Variants in PXT1 observed in about 807,000 individuals in gnomAD.
PXT1 encodes the protein peroxisomal testis enriched protein 1.
Under a neutral mutation model 11.0 loss-of-function variants are expected in PXT1, and 11 were observed. The ratio of observed to expected loss-of-function variants is 1.00; its 90% CI spans 0.63 to 1.66. The LOEUF (loss-of-function observed/expected upper bound fraction) is 1.66, where lower values mean the gene tolerates loss of function less well. Among genes scored for constraint, PXT1 ranks in the 40% most tolerant of loss-of-function variants. The pLI is 0.00. For synonymous variants in PXT1, 43 were observed against 51.4 expected (o/e 0.84, Z 0.70); for missense variants, 141 against 155.5 (o/e 0.91, Z 0.49).
intron 3 of PXT1, among the ~76,000 whole-genome samples, chr6:36,412,601 A>G (rs1489695164): frequency 6.6e-6 from 1 of 151,706 alleles, no homozygotes; most frequent in African/African-American, 2.4e-5. Context: ...CGGAGGTTGC[A>G]GTGAGCCAAG....
At chr6:36,394,552 G>C (rs1774113038) in intron 4 of PXT1, among the ~76,000 whole-genome samples, 1 of 152,096 alleles carries the variant, frequency 6.6e-6, no homozygotes, top group African/African-American at 2.4e-5. Context: ...CCTAGACCCG[G>C]TGACAACTCT....
intron 3 of PXT1, among the ~76,000 whole-genome samples, chr6:36,413,896 G>A (rs1447321191): frequency 6.6e-6 from 1 of 152,204 alleles, no homozygotes; most frequent in Non-Finnish European, 1.5e-5. Context: ...ATACTCAAGA[G>A]GCTGAGGCAG....
intron 4 of PXT1, among the ~76,000 whole-genome samples, chr6:36,394,415 C>T (rs1175058598): frequency 6.6e-6 from 1 of 152,132 alleles, no homozygotes; most frequent in Non-Finnish European, 1.5e-5. Context: ...GAGAAATTCC[C>T]TATGCATTAT....
intron 2 of PXT1, among the ~76,000 whole-genome samples, chr6:36,431,435 A>G (rs1774690993): frequency 6.6e-6 from 1 of 152,196 alleles, no homozygotes; most frequent in Admixed American, 6.5e-5. Flanking sequence ...ACAGTCTAGC[A>G]GAAGAAAGAG....
intron 3 of PXT1, among the ~76,000 whole-genome samples, chr6:36,420,521 T>C (rs980288158): frequency 1.3e-5 from 2 of 152,138 alleles, no homozygotes; most frequent in African/African-American, 4.8e-5. Flanking sequence ...GAAAGATACC[T>C]GAGAATCTAA....
chr6:36,395,201 GC>G, intron 4 of PXT1, among the ~76,000 whole-genome samples: 1 of 152,184 alleles, frequency 6.6e-6, no homozygotes, highest in East Asian at 1.9e-4. Flanking sequence ...GAACAAGAGA[GC>G]AAAAAATTTG....
At chr6:36,403,440 C>T (rs986573882) in intron 3 of PXT1, among the ~76,000 whole-genome samples, 1 of 152,182 alleles carries the variant, frequency 6.6e-6, no homozygotes, top group Non-Finnish European at 1.5e-5. Context: ...AGGAAAAAAA[C>T]TCCCACTTTT....
intron 4 of PXT1, among the ~76,000 whole-genome samples, chr6:36,393,663 G>C (rs534898797): frequency 1.5e-4 from 23 of 151,948 alleles, no homozygotes; most frequent in Non-Finnish European, 2.9e-4. Context: ...TGGGAGCAGA[G>C]GTTGCGGTGA....
Position 36,427,015 on chromosome 6 carries a change from C to CTTT in PXT1, c.-9-927_-9-925dup, listed in dbSNP as rs71768864. Among the ~76,000 whole-genome samples the CTTT allele has an allele frequency of 3.6e-3, 506 of 141,144 alleles. 2 individuals carry two copies. The highest frequency in any genetic ancestry group is 0.011 in the African/African-American group (400 of 37,976). The allele number at this position is 141,144 out of a possible 152,430, so 92.6% of individuals were successfully genotyped here. On this transcript the variant is annotated intron_variant, in intron 2 of 4. Transcript: ENST00000454782. ...AGAATTGCATTAGGACTTTTTTTTTCTTTTTTTTTTTTGAGACAGAGTCTT... is the reference window on the plus strand; with the variant it reads ...AGAATTGCATTAGGACTTTTTTTTTCTTTTTTTTTTTTTTTGAGACAGAGTCTT...
intron 2 of PXT1, among the ~76,000 whole-genome samples, chr6:36,431,336 T>C (rs182116702): frequency 3.3e-5 from 5 of 152,290 alleles, no homozygotes; most frequent in Admixed American, 3.3e-4. Context: ...ATGAAAAATA[T>C]TGATCTTTTA....
chr6:36,417,271 C>T (rs541639399), intron 3 of PXT1, among the ~76,000 whole-genome samples: 6 of 152,136 alleles, frequency 3.9e-5, no homozygotes, highest in African/African-American at 9.6e-5. Flanking sequence ...CGCTTGAACC[C>T]GGGAGGCAGA....
At chr6:36,420,987 G>A (rs1409266210) in intron 3 of PXT1, among the ~76,000 whole-genome samples, 6 of 151,754 alleles carry the variant, frequency 4.0e-5, no homozygotes, top group South Asian at 4.2e-4. Context: ...CCCGGGAGGC[G>A]GAGGTTGCAG....
chr6:36,414,368 A>G (rs546871178), intron 3 of PXT1, among the ~76,000 whole-genome samples: 1 of 152,334 alleles, frequency 6.6e-6, no homozygotes, highest in Non-Finnish European at 1.5e-5. Flanking sequence ...ATAATTACAA[A>G]TCACATGGAG....
intron 3 of PXT1, among the ~76,000 whole-genome samples, chr6:36,407,931 C>T (rs950335804): frequency 2.0e-5 from 3 of 150,310 alleles, no homozygotes; most frequent in Non-Finnish European, 4.4e-5. Flanking sequence ...CCAAGCCCAG[C>T]TGGTTAATCC....
chr6:36,427,831 T>C (rs569738636), intron 2 of PXT1, among the ~76,000 whole-genome samples: 15 of 152,290 alleles, frequency 9.8e-5, no homozygotes, highest in African/African-American at 3.6e-4. Context: ...TGTACTTTAC[T>C]GGACGGCCAG....
chr6:36,435,172 G>A (rs1026157976), intron 2 of PXT1, among the ~76,000 whole-genome samples: 1 of 152,190 alleles, frequency 6.6e-6, no homozygotes, highest in Non-Finnish European at 1.5e-5. Flanking sequence ...AGGTGTGATG[G>A]CTCATGTCTT....
At chr6:36,418,749 T>C (rs1399092539) in intron 3 of PXT1, among the ~76,000 whole-genome samples, 1 of 151,718 alleles carries the variant, frequency 6.6e-6, no homozygotes, top group East Asian at 1.9e-4. Context: ...AAGGGAAGAG[T>C]GCCTGAGGGC....
In PXT1 at chr6:36,422,546, T is replaced by A. The variant is rs1174222772; in HGVS notation, c.169+3368A>T. 2.0e-5 allele frequency among the ~76,000 whole-genome samples: 3 copies of A among 152,306 alleles called. No individual in the cohort carries two copies. In the East Asian group the frequency reaches 5.8e-4, roughly 29 times the overall value. On this transcript the variant is annotated intron_variant, in intron 3 of 4. Transcript: ENST00000454782. ...TTCCTTTACCAGACCATACGCTCCA[T>A]GACTGAAGGAACTGGTACTGTTTTT... is the stretch of plus-strand genomic sequence containing the variant.
intron 2 of PXT1, among the ~76,000 whole-genome samples, chr6:36,429,059 G>A (rs1273040365): frequency 1.3e-5 from 2 of 151,500 alleles, no homozygotes; most frequent in East Asian, 2.0e-4. Flanking sequence ...TTGAGCTCAG[G>A]AGTTTGAGAA....
Sources: gnomAD v4.1 joint callset for allele counts (sites outside exome capture counted in the v4.1 genomes callset) on GRCh38, gnomAD v4.1.1 for gene constraint, MANE v1.5 for transcripts, NCBI Gene and HGNC (gene_info 2026-07-23, HGNC 2026-07-21) for gene names.